Variants in ZNF724 observed in about 807,000 individuals in gnomAD.
ZNF724 encodes the protein zinc finger protein 724.
In ZNF724, 14 loss-of-function variants were observed where a neutral mutation model predicts 29.3. The ratio of observed to expected loss-of-function variants is 0.48; its 90% CI spans 0.32 to 0.75. The LOEUF is 0.75. Ranked by LOEUF, ZNF724 falls within the 30% of genes least tolerant of loss-of-function variation. The pLI, the probability that ZNF724 is intolerant of heterozygous loss-of-function variation, is 0.04. For missense variants in ZNF724, 557 were observed against 571.2 expected, an observed-to-expected ratio of 0.98 and a Z score of 0.25; for synonymous variants, 180 against 193.6, an observed-to-expected ratio of 0.93 and a Z score of 0.58.
At position 23,222,172 on chromosome 19, in the gene ZNF724, T is replaced by C; in HGVS notation, c.*213A>G. On this transcript the variant is annotated 3_prime_UTR_variant, in exon 4 of 4. Transcript: ENST00000418100. ...GAGGTTTCCTCTACTATATTTTACC[T>C]ACAATCAAGTATGACAACCATTTAA... The C allele has an allele frequency of 2.1e-6, 1 of 484,624 alleles. No homozygotes were observed. Among genetic ancestry groups the C allele is most frequent in the Non-Finnish European group, 3.6e-6 (1 of 275,388 alleles). 30.0% of individuals were successfully genotyped at this position (484,624 alleles called of 1,614,324 possible).
At chr19:23,240,764 GT>G (rs1287626597) in intron 1 of ZNF724, among the ~76,000 whole-genome samples, 1 of 149,940 alleles carries the variant, frequency 6.7e-6, no homozygotes, top group Non-Finnish European at 1.5e-5. Flanking sequence ...AAGCACAGTG[GT>G]TCATGCCTGT....
At chr19:23,244,118 G>A (rs1000633417) in intron 1 of ZNF724, among the ~76,000 whole-genome samples, 4 of 152,046 alleles carry the variant, frequency 2.6e-5, no homozygotes, top group Non-Finnish European at 1.5e-5. Flanking sequence ...GGGGGTAAGT[G>A]CAATATGTAA....
In ZNF724 at chr19:23,242,964, G is replaced by A. The variant is rs559917885; in HGVS notation, c.3+7276C>T. ...TGAGGCAGGAGAATAGCTTGAACTC[G>A]GAAGGCGGAAGTTGCAGTGAGCCAA... On this transcript the variant is annotated intron_variant, in intron 1 of 3. Transcript: ENST00000418100. Among the ~76,000 whole-genome samples, 38 of 145,992 alleles carry A rather than the reference G, an allele frequency of 2.6e-4. No homozygotes were observed. The East Asian group carries it at 5.1e-3, about 20-fold the overall frequency.
chr19:23,233,019 T>C (rs1021239127), intron 1 of ZNF724, among the ~76,000 whole-genome samples: 1 of 152,172 alleles, frequency 6.6e-6, no homozygotes, highest in Non-Finnish European at 1.5e-5. Flanking sequence ...GACAGCTCTT[T>C]AACCAAGTGA....
intron 1 of ZNF724, among the ~76,000 whole-genome samples, chr19:23,242,049 G>A (rs543913266): frequency 5.9e-5 from 9 of 152,226 alleles, no homozygotes; most frequent in Admixed American, 5.9e-4. Flanking sequence ...ACAAAACAAA[G>A]GTGCAGAAAT....
intron 1 of ZNF724, among the ~76,000 whole-genome samples, chr19:23,234,997 A>G (rs1002407697): frequency 4.6e-5 from 7 of 152,234 alleles, no homozygotes; most frequent in African/African-American, 1.7e-4. Flanking sequence ...GAAGACAACA[A>G]ATCTCCATCT....
rs1972307028 is a variant in ZNF724, at chr19:23,249,342, G to A, written c.3+898C>T. 2.7e-5 allele frequency among the ~76,000 whole-genome samples: 4 copies of A among 148,084 alleles called. No homozygotes were observed. In the Admixed American group the frequency reaches 2.7e-4, roughly 10 times the overall value. ...CACTGCAACCTCCTCCCAGGTTCAA[G>A]CGATTGTCCCGCCTCAGCCTCCCGA... On this transcript the variant is annotated intron_variant, in intron 1 of 3. Coordinates refer to ENST00000418100, the MANE Select transcript of ZNF724 (RefSeq NM_001355404.2).
chr19:23,222,857 G>A lies in ZNF724; in HGVS notation c.1388C>T (p.Ser463Leu), dbSNP rs1292566376. ...AATTATCCTATGTTCAGTAAGGTTT[G>A]AGGACCGCTTAAAAGCTTTGCCACA... ...KECGKAFKRS[S>L]NLTEHRIIHT... is the part of the protein sequence containing the mutation. Residue 463 changes from serine (S) to leucine (L), a missense_variant, in exon 4 of 4, where the codon TCA becomes TTA. Physicochemically the swap from Ser to Leu is moderately radical, Grantham distance 145 (BLOSUM62 -2). Transcript: ENST00000418100. 6 of 1,404,304 alleles carry A rather than the reference G, an allele frequency of 4.3e-6. No homozygotes were observed. Among genetic ancestry groups the A allele is most frequent in the Non-Finnish European group, 6.0e-6 (6 of 995,920 alleles). 87.0% of individuals were successfully genotyped at this position (1,404,304 alleles called of 1,614,324 possible). A position where few individuals can be genotyped will look rare whatever the true frequency, so the allele number is the denominator to read the frequency against.
Position 23,222,291 on chromosome 19 carries a change from A to T in ZNF724, c.*94T>A. 1 of 631,238 alleles carries T rather than the reference A, an allele frequency of 1.6e-6. No homozygotes were observed. The highest frequency in any genetic ancestry group is 2.8e-6 in the Non-Finnish European group (1 of 363,206). The allele number at this position is 631,238 out of a possible 1,614,324, so 39.1% of individuals were successfully genotyped here. On this transcript the variant is annotated 3_prime_UTR_variant, in exon 4 of 4. Coordinates refer to ENST00000418100, the MANE Select transcript of ZNF724 (RefSeq NM_001355404.2). Reference sequence around the variant, plus strand: ...CCAGTAATTCTCTTCGTTGGCCAGGATGGTCTCAATCTCTTGATCTTGTGA... The same window carrying T: ...CCAGTAATTCTCTTCGTTGGCCAGGTTGGTCTCAATCTCTTGATCTTGTGA...
At chr19:23,249,180 G>A (rs1972301954) in intron 1 of ZNF724, among the ~76,000 whole-genome samples, 1 of 151,204 alleles carries the variant, frequency 6.6e-6, no homozygotes, top group African/African-American at 2.4e-5. Context: ...ACCCATAGGG[G>A]TGCTCTAAAA....
chr19:23,229,554 C>T (rs1971898653), intron 3 of ZNF724, among the ~76,000 whole-genome samples: 1 of 152,182 alleles, frequency 6.6e-6, no homozygotes, highest in Non-Finnish European at 1.5e-5. Context: ...CAGAAACCTG[C>T]CTAGTGTCTG....
chr19:23,249,835 G>T (rs1972315976), intron 1 of ZNF724, among the ~76,000 whole-genome samples: 1 of 152,072 alleles, frequency 6.6e-6, no homozygotes, highest in African/African-American at 2.4e-5. Flanking sequence ...CGCCCGGCCT[G>T]CCATAAATTT....
chr19:23,231,234 C>A (rs774338249), intron 3 of ZNF724, 32 bp downstream of exon 3: 2 of 1,254,324 alleles, frequency 1.6e-6, no homozygotes, highest in Non-Finnish European at 2.3e-6. Context: ...GACCTCTCAT[C>A]TGTGTCATCT....
chr19:23,224,371 C>T (rs1971785529), intron 3 of ZNF724, among the ~76,000 whole-genome samples: 1 of 151,970 alleles, frequency 6.6e-6, no homozygotes. Context: ...TGATATCACA[C>T]CAAGGCACTC....
chr19:23,233,444 G>A (rs1599641455), intron 1 of ZNF724, among the ~76,000 whole-genome samples: 1 of 152,128 alleles, frequency 6.6e-6, no homozygotes, highest in African/African-American at 2.4e-5. Context: ...AACATTACAT[G>A]TTCTCCATCT....
chr19:23,250,389 A>G lies in ZNF724; in HGVS notation c.-147T>C. 2 of 449,044 alleles carry G rather than the reference A, an allele frequency of 4.5e-6. No homozygotes were observed. The highest frequency in any genetic ancestry group is 3.4e-5 in the South Asian group (2 of 57,986). The allele number at this position is 449,044 out of a possible 1,614,324, so 27.8% of individuals were successfully genotyped here. A position where few individuals can be genotyped will look rare whatever the true frequency, so the allele number is the denominator to read the frequency against. On this transcript the variant is annotated 5_prime_UTR_variant, in exon 1 of 4. Transcript: ENST00000418100. The stretch of plus-strand genomic sequence containing the variant: ...AAGCGCTCCAGCTGCAGCGAGAGAC[A>G]AAGGCCCCGCCAAATCCCGGAAGCC...
At chr19:23,231,419 C>A in intron 2 of ZNF724, 58 bp from the exon 3 acceptor site, 3 of 1,132,748 alleles carry the variant, frequency 2.6e-6, no homozygotes, top group Middle Eastern at 2.0e-4. Flanking sequence ...ATAATGTGCT[C>A]AGTAAAAAGG....
chr19:23,232,454 T>C (rs1971952833), intron 1 of ZNF724, among the ~76,000 whole-genome samples, 161 bp from the exon 2 acceptor site: 1 of 152,178 alleles, frequency 6.6e-6, no homozygotes, highest in Admixed American at 6.6e-5. Context: ...TTCTCTGATG[T>C]ACTCTCTAAC....
intron 3 of ZNF724, among the ~76,000 whole-genome samples, chr19:23,225,334 G>A (rs1971808131): frequency 6.6e-6 from 1 of 152,144 alleles, no homozygotes; most frequent in African/African-American, 2.4e-5. Context: ...GCCGTGCATA[G>A]TGGCTCACAT....
Sources: allele counts gnomAD v4.1 joint callset (sites outside exome capture counted in the v4.1 genomes callset), GRCh38; gene constraint gnomAD v4.1.1; transcripts MANE v1.5; gene names NCBI Gene and HGNC (gene_info 2026-07-23, HGNC 2026-07-21).